Variants in ARRB1 observed in about 807,000 individuals in gnomAD.
The protein encoded by ARRB1 is arrestin beta 1.
Under a neutral mutation model 56.8 loss-of-function variants are expected in ARRB1, and 21 were observed. The observed-to-expected ratio is 0.37, with a 90% CI of 0.26 to 0.53. The LOEUF (loss-of-function observed/expected upper bound fraction) is 0.53. Among genes scored for constraint, ARRB1 ranks in the 20% least tolerant of loss-of-function variants. ARRB1 has a pLI of 0.88. For synonymous variants in ARRB1, 210 were observed against 218.6 expected, an observed-to-expected ratio of 0.96 and a Z score of 0.35; for missense variants, 424 against 553.7, an observed-to-expected ratio of 0.77 and a Z score of 2.35.
intron 14 of ARRB1, among the ~76,000 whole-genome samples, chr11:75,268,510 CAAAAA>C (rs61409833): frequency 8.1e-5 from 5 of 61,428 alleles, no homozygotes; most frequent in Non-Finnish European, 1.7e-4. Flanking sequence ...GTCTCAAAAC[CAAAAA>C]AAAAAAAAAA....
chr11:75,331,024 A>G (rs1947511748), intron 1 of ARRB1, among the ~76,000 whole-genome samples: 1 of 152,180 alleles, frequency 6.6e-6, no homozygotes, highest in African/African-American at 2.4e-5. Flanking sequence ...GAGGACTAAA[A>G]TCTGATTTTT....
rs192360706 is a variant in ARRB1, at chr11:75,325,484, G to T, written c.20+26104C>A. Among the ~76,000 whole-genome samples, 609 of 152,232 alleles carry T rather than the reference G, an allele frequency of 4.0e-3. 5 individuals carry two copies. The highest frequency in any genetic ancestry group is 0.014 in the African/African-American group (579 of 41,524). ...TTACAGGCATGTACCACCACATCCA[G>T]CTAACTTTTGTATTTTTAGTAGAGA... On this transcript the variant is annotated intron_variant, in intron 1 of 15. Coordinates refer to ENST00000420843, the MANE Select transcript of ARRB1 (RefSeq NM_004041.5).
chr11:75,277,212 A>G, intron 9 of ARRB1, 152 bp downstream of exon 9: 1 of 826,494 alleles, frequency 1.2e-6, no homozygotes, highest in East Asian at 2.5e-5. Flanking sequence ...TACCCAACTC[A>G]AAAGCTTTGC....
chr11:75,287,235 T>C, intron 3 of ARRB1, 80 bp downstream of exon 3: 1 of 1,453,952 alleles, frequency 6.9e-7, no homozygotes, highest in Non-Finnish European at 9.3e-7. Flanking sequence ...CGGGCCCCTC[T>C]GGAGAGCTGA....
intron 10 of ARRB1, 47 bp from the exon 11 acceptor site, chr11:75,274,258 A>G (rs769848369): frequency 6.2e-7 from 1 of 1,603,704 alleles, no homozygotes; most frequent in South Asian, 1.1e-5. Flanking sequence ...CCCAGAGCCA[A>G]CCCCAGCCCT....
chr11:75,317,915 TG>T, intron 1 of ARRB1, among the ~76,000 whole-genome samples: 1 of 152,058 alleles, frequency 6.6e-6, no homozygotes, highest in Admixed American at 6.5e-5. Context: ...ACATAATTTG[TG>T]GGCCCCGGTG....
chr11:75,311,846 C>T (rs1391160646), intron 1 of ARRB1, among the ~76,000 whole-genome samples: 2 of 152,198 alleles, frequency 1.3e-5, no homozygotes, highest in Non-Finnish European at 2.9e-5. Context: ...CACTTCGGCC[C>T]CTGCTGGCCT....
intron 15 of ARRB1, among the ~76,000 whole-genome samples, chr11:75,266,478 G>A (rs1186743556): frequency 2.0e-5 from 3 of 152,208 alleles, no homozygotes; most frequent in African/African-American, 2.4e-5. Flanking sequence ...TGGCAGTGGG[G>A]ACAGTCACAT....
At chr11:75,309,390 A>C (rs554627222) in intron 1 of ARRB1, among the ~76,000 whole-genome samples, 1 of 152,384 alleles carries the variant, frequency 6.6e-6, no homozygotes, top group African/African-American at 2.4e-5. Context: ...TGTGCTTGGC[A>C]CAGAGAAGGT....
intron 1 of ARRB1, chr11:75,303,572 A>G: frequency 2.2e-6 from 1 of 455,576 alleles, no homozygotes; most frequent in Non-Finnish European, 4.4e-6. Flanking sequence ...TTATTTTTCA[A>G]ATCTCTGGGC....
chr11:75,305,018 CTT>C (rs35323331), intron 1 of ARRB1, among the ~76,000 whole-genome samples: 10 of 86,742 alleles, frequency 1.2e-4, no homozygotes, highest in South Asian at 4.1e-4. Context: ...TTCTTTCTTT[CTT>C]TTTTTTTTTT....
In ARRB1 at chr11:75,272,949, A is replaced by T. The variant is rs1308011414; in HGVS notation, c.944T>A (p.Leu315Gln). ...LLREGANREI[L>Q]GIIVSYKVKV... ...CACTTTGTAGGAAACAATGATCCCC[A>T]GGATCTCACGGTTGGCACCTTCCCT... is the stretch of plus-strand genomic sequence containing the variant. The change falls in exon 12 of 16, where the codon CTG (leucine) becomes CAG (glutamine). Residue 315 changes from leucine to glutamine, a missense_variant. Transcript: ENST00000420843. The T allele has an allele frequency of 2.5e-6, 4 of 1,614,040 alleles. No individual in the cohort carries two copies. In the South Asian group the frequency reaches 3.3e-5, roughly 13 times the overall value.
In ARRB1 at chr11:75,271,699, A is replaced by C; in HGVS notation, c.1022+2T>G. ...TGAACCAGGTGGAAGGGAGGAATTT[A>C]CCTGGATGCAAGATCTCCCAACAGG... On this transcript the variant is annotated splice_donor_variant, in intron 13 of 15. Transcript: ENST00000420843. LOFTEE classifies it high-confidence loss of function. The C allele has an allele frequency of 1.3e-6, 2 of 1,568,344 alleles. No individual in the cohort carries two copies. Among genetic ancestry groups the C allele is most frequent in the African/African-American group, 2.7e-5 (2 of 73,924 alleles).
chr11:75,278,306 G>A lies in ARRB1; in HGVS notation c.618+303C>T, dbSNP rs1203028141. 6.6e-5 allele frequency among the ~76,000 whole-genome samples: 10 copies of A among 152,314 alleles called. No homozygotes were observed. In the East Asian group the frequency reaches 1.3e-3, roughly 21 times the overall value. On this transcript the variant is annotated intron_variant, in intron 8 of 15. Transcript: ENST00000420843. ...CAATGCTGGTTGACCTTCAGCACTC[G>A]GCCTGAGGCAGGCAGCTGGTGGAGG...
chr11:75,295,712 C>G (rs1315335650), intron 1 of ARRB1, among the ~76,000 whole-genome samples: 1 of 152,208 alleles, frequency 6.6e-6, no homozygotes, highest in African/African-American at 2.4e-5. Context: ...CTGCCATGCT[C>G]TCTTTCCTTT....
At chr11:75,327,317 A>AAAT (rs1565141712) in intron 1 of ARRB1, among the ~76,000 whole-genome samples, 2 of 151,014 alleles carry the variant, frequency 1.3e-5, no homozygotes, top group East Asian at 4.0e-4. Flanking sequence ...AAAAAAAAAA[A>AAAT]AAAAAAGAAT....
chr11:75,283,531 C>A (rs934969290), intron 4 of ARRB1, 48 bp from the exon 5 acceptor site: 5 of 1,526,188 alleles, frequency 3.3e-6, no homozygotes, highest in East Asian at 2.3e-5. Flanking sequence ...GAGCAGCAAG[C>A]GAGCCCCCCA....
At chr11:75,329,810 TA>T (rs1947492018) in intron 1 of ARRB1, among the ~76,000 whole-genome samples, 1 of 151,904 alleles carries the variant, frequency 6.6e-6, no homozygotes, top group Non-Finnish European at 1.5e-5. Flanking sequence ...CTGGGCAACA[TA>T]GTAAGACTCC....
chr11:75,280,434 G>C (rs1382848597), intron 7 of ARRB1, among the ~76,000 whole-genome samples: 1 of 152,118 alleles, frequency 6.6e-6, no homozygotes, highest in Non-Finnish European at 1.5e-5. Flanking sequence ...TCAGCGTCGA[G>C]GGCCCACCAG....
Sources: allele counts gnomAD v4.1 joint callset (sites outside exome capture counted in the v4.1 genomes callset), GRCh38; gene constraint gnomAD v4.1.1; transcripts MANE v1.5; gene names NCBI Gene and HGNC (gene_info 2026-07-23, HGNC 2026-07-21).